Variants in TTLL11 observed in about 807,000 individuals in gnomAD.
TTLL11 encodes tubulin polyglutamylase TTLL11.
Under a neutral mutation model 51.7 loss-of-function variants are expected in TTLL11, and 42 were observed. The observed-to-expected ratio is 0.81, with a 90% confidence interval of 0.64 to 1.05. TTLL11 has a LOEUF of 1.05. TTLL11 is among the 50% of genes least tolerant of loss of function. TTLL11 has a pLI of 0.00. For synonymous variants in TTLL11, 381 were observed against 383.5 expected (o/e 0.99, Z 0.08); for missense variants, 799 against 940.4 (o/e 0.85, Z 1.97).
In TTLL11 at chr9:122,051,049, C is replaced by T. The variant is rs76371646; in HGVS notation, c.463-11681G>A. Among the ~76,000 whole-genome samples, 1,101 of 152,188 alleles carry T rather than the reference C, an allele frequency of 7.2e-3. 15 individuals are homozygous for T. Among genetic ancestry groups the T allele is most frequent in the African/African-American group, 0.026 (1,061 of 41,514 alleles). On this transcript the variant is annotated intron_variant, in intron 1 of 8. Coordinates refer to ENST00000321582, the MANE Select transcript of TTLL11 (RefSeq NM_001139442.2). ...ACACAGCAATAGATAATGAATGCAC[C>T]ATTTCAGTTTTAGAGCAAGGTCCCA...
intron 1 of TTLL11, among the ~76,000 whole-genome samples, chr9:122,071,978 C>A (rs966860085): frequency 1.5e-4 from 23 of 152,196 alleles, no homozygotes; most frequent in African/African-American, 5.5e-4. Flanking sequence ...CTCACCACTG[C>A]AACCCCTAAA....
intron 6 of TTLL11, among the ~76,000 whole-genome samples, chr9:121,961,693 C>T (rs1324726256): frequency 6.6e-6 from 1 of 152,154 alleles, no homozygotes; most frequent in Non-Finnish European, 1.5e-5. Context: ...AACTCTGGTC[C>T]AGTCATTGAT....
chr9:121,903,636 G>A (rs939749235), intron 6 of TTLL11, among the ~76,000 whole-genome samples: 4 of 152,172 alleles, frequency 2.6e-5, no homozygotes, highest in Non-Finnish European at 2.9e-5. Flanking sequence ...TACATGTAAC[G>A]TATGAATATG....
chr9:122,086,165 C>A (rs974714577), intron 1 of TTLL11, among the ~76,000 whole-genome samples: 1 of 152,166 alleles, frequency 6.6e-6, no homozygotes, highest in Non-Finnish European at 1.5e-5. Flanking sequence ...AACACACAGA[C>A]ACGATTTTAA....
At chr9:121,864,042 C>G (rs1223206688) in intron 7 of TTLL11, among the ~76,000 whole-genome samples, 1 of 152,182 alleles carries the variant, frequency 6.6e-6, no homozygotes, top group African/African-American at 2.4e-5. Flanking sequence ...GGCTAAGCAA[C>G]CAGGGTGCTT....
intron 4 of TTLL11, among the ~76,000 whole-genome samples, chr9:121,984,300 A>G (rs1375432049): frequency 6.6e-6 from 1 of 152,198 alleles, no homozygotes; most frequent in East Asian, 1.9e-4. Context: ...TTCATCATAG[A>G]CAAATTTGAG....
At chr9:122,070,417 G>A (rs1845698082) in intron 1 of TTLL11, among the ~76,000 whole-genome samples, 2 of 152,084 alleles carry the variant, frequency 1.3e-5, no homozygotes, top group Admixed American at 1.3e-4. Context: ...TGCTTTTCCA[G>A]GACATGAGCA....
At chr9:121,918,876 T>C (rs1840429879) in intron 6 of TTLL11, among the ~76,000 whole-genome samples, 1 of 152,224 alleles carries the variant, frequency 6.6e-6, no homozygotes, top group African/African-American at 2.4e-5. Flanking sequence ...AAACAGTACA[T>C]ACAGTATGGC....
intron 4 of TTLL11, among the ~76,000 whole-genome samples, chr9:121,987,003 T>C (rs1184843528): frequency 6.6e-6 from 1 of 151,894 alleles, no homozygotes; most frequent in Non-Finnish European, 1.5e-5. Context: ...ACCTTATGTG[T>C]AGTGGAAAAG....
chr9:121,826,208 ATATATATATG>A lies in TTLL11; in HGVS notation c.1841-3339_1841-3330del, dbSNP rs1203312061. Among the ~76,000 whole-genome samples, 15 of 115,700 alleles carry A rather than the reference ATATATATATG, an allele frequency of 1.3e-4. 3 individuals are homozygous for A. The highest frequency in any genetic ancestry group is 1.9e-4 in the Non-Finnish European group (11 of 58,622). The allele number at this position is 115,700 out of a possible 152,430, so 75.9% of individuals were successfully genotyped here. On this transcript the variant is annotated intron_variant, in intron 8 of 8. Transcript: ENST00000321582. ...CCTATATATATATATATATATATAT[ATATATATATG>A]CACACATATATATATACACGCACAT...
chr9:122,076,465 G>C (rs766400974), intron 1 of TTLL11, among the ~76,000 whole-genome samples: 2 of 152,126 alleles, frequency 1.3e-5, no homozygotes, highest in Non-Finnish European at 2.9e-5. Flanking sequence ...CCTTGCCTCA[G>C]GAAAGGGGAA....
At chr9:121,861,924 G>A (rs1275184499) in intron 7 of TTLL11, among the ~76,000 whole-genome samples, 1 of 152,218 alleles carries the variant, frequency 6.6e-6, no homozygotes, top group African/African-American at 2.4e-5. Flanking sequence ...AAGCAGAACA[G>A]CACAGGCTGG....
At chr9:122,023,812 C>A (rs777822112) in intron 3 of TTLL11, among the ~76,000 whole-genome samples, 1 of 151,834 alleles carries the variant, frequency 6.6e-6, no homozygotes, top group Non-Finnish European at 1.5e-5. Context: ...CTTCATCAAT[C>A]TGATAAAGAA....
At chr9:121,849,027 T>C (rs1438618815) in intron 8 of TTLL11, among the ~76,000 whole-genome samples, 1 of 152,192 alleles carries the variant, frequency 6.6e-6, no homozygotes, top group Non-Finnish European at 1.5e-5. Flanking sequence ...ATCAAAACAG[T>C]ATGGTATTAG....
chr9:122,052,868 C>T (rs1448521729), intron 1 of TTLL11, among the ~76,000 whole-genome samples: 1 of 152,186 alleles, frequency 6.6e-6, no homozygotes, highest in Non-Finnish European at 1.5e-5. Flanking sequence ...TGGGTTTCAT[C>T]ATCTGAGAAA....
intron 6 of TTLL11, among the ~76,000 whole-genome samples, chr9:121,905,746 C>T (rs186069259): frequency 6.6e-6 from 1 of 152,142 alleles, no homozygotes; most frequent in South Asian, 2.1e-4. Flanking sequence ...TCAAGCTAAC[C>T]CATATTTACA....
chr9:122,061,483 G>A (rs1845430974), intron 1 of TTLL11, among the ~76,000 whole-genome samples: 1 of 152,170 alleles, frequency 6.6e-6, no homozygotes, highest in South Asian at 2.1e-4. Context: ...TTCTCTAGAA[G>A]TGGAATTTTT....
At chr9:121,897,304 C>G (rs1839560409) in intron 6 of TTLL11, among the ~76,000 whole-genome samples, 1 of 152,066 alleles carries the variant, frequency 6.6e-6, no homozygotes, top group Non-Finnish European at 1.5e-5. Flanking sequence ...GGTTAAGCAC[C>G]TCACTCGAGA....
rs749003399 is a variant in TTLL11 at position 121,839,229 on chromosome 9, G to A, written c.1841-16350C>T. On this transcript the variant is annotated intron_variant, in intron 8 of 8. Transcript: ENST00000321582. ...CGTTTCCATGTTTAATGTCTGCCTC[G>A]GCCACCGGATGTCAGCAGTGCTAGG... 5.9e-5 allele frequency among the ~76,000 whole-genome samples: 9 copies of A among 152,224 alleles called. No individual in the cohort carries two copies. The South Asian group carries it at 6.2e-4, about 11-fold the overall frequency.
Sources: gnomAD v4.1 joint callset for allele counts (sites outside exome capture counted in the v4.1 genomes callset) on GRCh38, gnomAD v4.1.1 for gene constraint, MANE v1.5 for transcripts, NCBI Gene and HGNC (gene_info 2026-07-23, HGNC 2026-07-21) for gene names.